The following SYNRG variants were observed in gnomAD, a reference collection of about 807,000 sequenced individuals.
SYNRG encodes AP1 gamma subunit binding protein 1.
Under a neutral mutation model 130.9 loss-of-function variants are expected in SYNRG, and 37 were observed. That is an observed-to-expected ratio of 0.28 (90% confidence interval 0.22 to 0.37). The LOEUF (loss-of-function observed/expected upper bound fraction) is 0.37. Among genes scored for constraint, SYNRG ranks in the 10% least tolerant of loss-of-function variants. The pLI is 1.00. For missense variants in SYNRG, 1,338 were observed against 1,588.9 expected (o/e 0.84, Z 2.68); for synonymous variants, 539 against 568.1 (o/e 0.95, Z 0.73).
Position 37,541,996 on chromosome 17 carries a change from C to T in SYNRG, c.3178G>A (p.Ala1060Thr). The T allele has an allele frequency of 6.2e-7, 1 of 1,613,992 alleles. No homozygotes were observed. Among genetic ancestry groups the T allele is most frequent in the African/African-American group, 1.3e-5 (1 of 75,052 alleles). Residue 1060 changes from alanine (A) to threonine (T), a missense_variant, in exon 15 of 22, where the codon GCA (alanine) becomes ACA (threonine). Ala to Thr is a moderately conservative substitution (Grantham distance 58). This residue lies in a region of SYNRG where 1,146 missense variants were observed against 1,342.3 expected (regional missense o/e 0.85). Transcript: ENST00000612223. ...SSEEMIKSEL[A>T]TFDLSVQGSH... ...CCTTGAACAGAAAGGTCAAAGGTTG[C>T]CAGCTCACTTTTGATCATTTCTTCA...
intron 6 of SYNRG, among the ~76,000 whole-genome samples, chr17:37,580,510 T>TGTGTGTGAGAGAGA (rs1384344164): frequency 7.8e-6 from 1 of 127,716 alleles, no homozygotes; most frequent in Admixed American, 8.0e-5. Context: ...TGTGTGTGTG[T>TGTGTGTGAGAGAGA]GAGAGAGAGA....
chr17:37,586,287 C>A, intron 4 of SYNRG, 132 bp downstream of exon 4: 1 of 1,321,640 alleles, frequency 7.6e-7, no homozygotes, highest in South Asian at 1.6e-5. Flanking sequence ...AACCACTGGG[C>A]CAGGCCTTAA....
At chr17:37,571,283 A>C (rs2060413615) in intron 9 of SYNRG, among the ~76,000 whole-genome samples, 1 of 152,210 alleles carries the variant, frequency 6.6e-6, no homozygotes, top group Non-Finnish European at 1.5e-5. Flanking sequence ...AGAGAATGTT[A>C]ATATTAAAAG....
intron 10 of SYNRG, 139 bp from the exon 11 acceptor site, chr17:37,569,063 C>T: frequency 1.2e-6 from 1 of 865,080 alleles, no homozygotes; most frequent in Non-Finnish European, 1.7e-6. Flanking sequence ...GGCAGGAATC[C>T]TGTTTTGTAT....
chr17:37,563,312 A>G (rs1348645986), intron 11 of SYNRG, among the ~76,000 whole-genome samples: 1 of 152,230 alleles, frequency 6.6e-6, no homozygotes, highest in Non-Finnish European at 1.5e-5. Context: ...GTATTCTACT[A>G]AAAGGTAAGA....
Position 37,569,321 on chromosome 17 carries a change from A to G in SYNRG, c.1348-397T>C, listed in dbSNP as rs146000516. ...GCTACGTGGGTGGCTGAGGCCAGAG[A>G]ATCACTTGAACCCAGGAGGCAGAAG... On this transcript the variant is annotated intron_variant, in intron 10 of 21. Coordinates refer to ENST00000612223, the MANE Select transcript of SYNRG (RefSeq NM_007247.6). Among the ~76,000 whole-genome samples, 9 of 152,184 alleles carry G rather than the reference A, an allele frequency of 5.9e-5. No homozygotes were observed. In the East Asian group the frequency reaches 1.2e-3, roughly 20 times the overall value.
chr17:37,532,172 G>C (rs1219821405), intron 19 of SYNRG, among the ~76,000 whole-genome samples: 1 of 152,170 alleles, frequency 6.6e-6, no homozygotes, highest in Non-Finnish European at 1.5e-5. Context: ...TGTTTACATA[G>C]TGCCTGGCAC....
chr17:37,584,672 G>T lies in SYNRG; in HGVS notation c.565C>A (p.Pro189Thr), dbSNP rs574734487. 6.2e-7 allele frequency: 1 copy of T among 1,613,866 alleles called. No homozygotes were observed. The highest frequency in any genetic ancestry group is 1.1e-5 in the South Asian group (1 of 91,068). The part of the protein sequence containing the change: ...FSRDAKMHPT[P>T]ASHPKKPGPS... Reference sequence around the variant, plus strand: ...CCTGGTTTCTTGGGGTGCGATGCTGGAGTAGGGTGCATTTTTGCATCTCTG... The same window carrying T: ...CCTGGTTTCTTGGGGTGCGATGCTGTAGTAGGGTGCATTTTTGCATCTCTG... Residue 189 changes from proline to threonine, a missense_variant, in exon 6 of 22, where the codon CCA becomes ACA. Transcript: ENST00000612223.
At chr17:37,565,110 A>G (rs1460189196) in intron 11 of SYNRG, among the ~76,000 whole-genome samples, 3 of 152,146 alleles carry the variant, frequency 2.0e-5, no homozygotes, top group African/African-American at 7.2e-5. Flanking sequence ...CTAAAAATAC[A>G]AAAATTAGCT....
intron 14 of SYNRG, among the ~76,000 whole-genome samples, chr17:37,547,065 G>A (rs991342435): frequency 1.3e-5 from 2 of 152,152 alleles, no homozygotes; most frequent in African/African-American, 4.8e-5. Context: ...TAAGTGACAG[G>A]CTGAAAAATG....
intron 11 of SYNRG, among the ~76,000 whole-genome samples, chr17:37,566,644 TA>T (rs1017992620): frequency 4.5e-4 from 66 of 148,046 alleles, no homozygotes; most frequent in Non-Finnish European, 6.8e-4. Flanking sequence ...AAAAATAAAT[TA>T]AAAAAAAAAG....
chr17:37,565,738 CCT>C (rs2059904265), intron 11 of SYNRG, among the ~76,000 whole-genome samples: 1 of 150,650 alleles, frequency 6.6e-6, no homozygotes, highest in African/African-American at 2.4e-5. Context: ...CGGCCGCGAC[CCT>C]GTCTGGGAGG....
chr17:37,606,892 T>C (rs1237965499), intron 1 of SYNRG, among the ~76,000 whole-genome samples: 6 of 152,314 alleles, frequency 3.9e-5, no homozygotes, highest in Admixed American at 2.6e-4. Flanking sequence ...CTGTTTTTTT[T>C]CTTCAAATAT....
At chr17:37,607,594 G>C (rs1393139897) in intron 1 of SYNRG, among the ~76,000 whole-genome samples, 1 of 152,146 alleles carries the variant, frequency 6.6e-6, no homozygotes, top group Non-Finnish European at 1.5e-5. Flanking sequence ...TTTGAGACCA[G>C]CCTGGCTAAC....
intron 13 of SYNRG, among the ~76,000 whole-genome samples, chr17:37,557,399 T>C (rs917812436): frequency 1.3e-5 from 2 of 152,238 alleles, no homozygotes; most frequent in African/African-American, 4.8e-5. Context: ...TAACGTACTT[T>C]GACGAAGTCA....
chr17:37,567,419 A>C (rs2060078715), intron 11 of SYNRG: 1 of 152,216 alleles, frequency 6.6e-6, no homozygotes, highest in Admixed American at 6.5e-5. Flanking sequence ...TCATGCAGTG[A>C]ATTTGAGGTG....
intron 14 of SYNRG, 88 bp from the exon 15 acceptor site, chr17:37,542,653 T>C (rs2057874094): frequency 8.5e-6 from 8 of 943,290 alleles, no homozygotes; most frequent in Non-Finnish European, 1.3e-5. Context: ...CCTAGCATAT[T>C]TGATTAGTTT....
rs2060464073 is a variant in SYNRG, at chr17:37,571,928, G to A, written c.961C>T (p.Leu321=). 4 of 1,614,182 alleles carry A rather than the reference G, an allele frequency of 2.5e-6. No individual in the cohort carries two copies. The highest frequency in any genetic ancestry group is 3.4e-6 in the Non-Finnish European group (4 of 1,180,022). Residue 321 remains leucine, a synonymous_variant, in exon 9 of 22, where the codon CTG becomes TTG. Transcript: ENST00000612223. ...CCAGATGACATCAGAATGGGATACA[G>A]TTTGGCAGTATCTATTCCAGTTGGA... ...MTPTGIDTAK[L]YPILMSSGLP... is the part of the protein sequence containing the mutation.
At chr17:37,572,851 G>A (rs1281550443) in intron 8 of SYNRG, among the ~76,000 whole-genome samples, 3 of 152,168 alleles carry the variant, frequency 2.0e-5, no homozygotes, top group African/African-American at 7.2e-5. Context: ...AGGACCAAGT[G>A]GGAAATGTTG....
Sources: allele counts gnomAD v4.1 joint callset (sites outside exome capture counted in the v4.1 genomes callset), GRCh38; gene constraint gnomAD v4.1.1; regional missense constraint gnomAD v4.1.1; transcripts MANE v1.5; gene names NCBI Gene and HGNC (gene_info 2026-07-23, HGNC 2026-07-21).